AVPI1: variants seen among roughly 807,000 people sequenced by gnomAD.
AVPI1 encodes arginine vasopressin induced 1.
In AVPI1, 9 loss-of-function variants were observed where a neutral mutation model predicts 11.9. The ratio of observed to expected loss-of-function variants is 0.76; its 90% CI spans 0.46 to 1.32. The LOEUF is 1.32. Ranked by LOEUF, AVPI1 falls within the 40% of genes most tolerant of loss-of-function variation. The pLI is 0.00. For missense variants in AVPI1, 207 were observed against 195.8 expected, an observed-to-expected ratio of 1.06 and a Z score of -0.34; for synonymous variants, 68 against 78.1, an observed-to-expected ratio of 0.87 and a Z score of 0.68.
intron 1 of AVPI1, 38 bp from the exon 2 acceptor site, chr10:97,679,953 T>C (rs754078927): frequency 2.7e-6 from 4 of 1,488,666 alleles, no homozygotes; most frequent in South Asian, 2.6e-5. Flanking sequence ...TCAACTCAGC[T>C]GGTCCTTCCC....
At position 97,677,669 on chromosome 10, in the gene AVPI1, A is replaced by G. The variant is rs549327077; in HGVS notation, c.*200T>C. ...GCAGGAACAGTCACTGTCTCTCCTC[A>G]TTTTGGTGAGGAATGGGTCCCACAT... is the stretch of plus-strand genomic sequence containing the variant. On this transcript the variant is annotated 3_prime_UTR_variant, in exon 3 of 3. Transcript: ENST00000370626. 200 of 582,210 alleles carry G rather than the reference A, an allele frequency of 3.4e-4. No individual in the cohort carries two copies. Among genetic ancestry groups the G allele is most frequent in the Non-Finnish European group, 5.4e-5 (18 of 333,686 alleles). 36.1% of individuals were successfully genotyped at this position (582,210 alleles called of 1,614,324 possible).
rs374182097 is a variant in AVPI1, at chr10:97,684,926, G to A, written c.-11+1840C>T. Reference sequence around the variant, plus strand: ...GTTTTGGGAAAACCGATGAAATGTCGAATCAGAACACTTTTATTATCAAAG... The same window carrying A: ...GTTTTGGGAAAACCGATGAAATGTCAAATCAGAACACTTTTATTATCAAAG... On this transcript the variant is annotated intron_variant, in intron 1 of 2. Coordinates refer to ENST00000370626, the MANE Select transcript of AVPI1 (RefSeq NM_021732.3). Among the ~76,000 whole-genome samples the A allele has an allele frequency of 2.1e-4, 32 of 152,274 alleles. No homozygotes were observed. In the East Asian group the frequency reaches 4.4e-3, roughly 21 times the overall value.
intron 1 of AVPI1, among the ~76,000 whole-genome samples, chr10:97,686,213 C>G (rs929615175): frequency 6.6e-6 from 1 of 152,130 alleles, no homozygotes; most frequent in African/African-American, 2.4e-5. Context: ...CCTTCTAGTA[C>G]CTGGTATACC....
rs774060372 is a variant in AVPI1 at position 97,679,847 on chromosome 10, GC to G, written c.58del (p.Ala20ProfsTer149). 2 of 1,604,866 alleles carry G rather than the reference GC, an allele frequency of 1.2e-6. No individual in the cohort carries two copies. The highest frequency in any genetic ancestry group is 4.5e-5 in the East Asian group (2 of 44,578). Reference protein sequence around the residue: ...EPPPWQAPIEARGRKQASANI... With the variant: ...EPPPWQAPIEXRGRKQASANI... Reference sequence around the variant, plus strand: ...GGCCGAGGCCTGCTTGCGGCCCCGGGCCTCAATCGGGGCCTGCCAAGGGGGT... The same window carrying G: ...GGCCGAGGCCTGCTTGCGGCCCCGGGCTCAATCGGGGCCTGCCAAGGGGGT... On this transcript the variant is annotated frameshift_variant, in exon 2 of 3. Coordinates refer to ENST00000370626, the MANE Select transcript of AVPI1 (RefSeq NM_021732.3). LOFTEE classifies it high-confidence loss of function.
intron 2 of AVPI1, 46 bp downstream of exon 2, chr10:97,679,573 C>T (rs779156526): frequency 1.3e-6 from 2 of 1,546,772 alleles, no homozygotes; most frequent in East Asian, 4.6e-5. Context: ...AGTGGTGGAA[C>T]AGGCATTAGT....
intron 1 of AVPI1, among the ~76,000 whole-genome samples, chr10:97,683,673 C>T (rs888550810): frequency 1.3e-5 from 2 of 152,234 alleles, no homozygotes. Context: ...AGGGCTCTTT[C>T]CTGGGTGACA....
intron 1 of AVPI1, among the ~76,000 whole-genome samples, chr10:97,683,474 A>C (rs576472621): frequency 6.6e-6 from 1 of 152,148 alleles, no homozygotes; most frequent in Non-Finnish European, 1.5e-5. Context: ...ACGCTTTTAA[A>C]CCCCCGAGCT....
intron 2 of AVPI1, among the ~76,000 whole-genome samples, chr10:97,678,985 G>A (rs977369614): frequency 1.5e-5 from 2 of 132,820 alleles, no homozygotes; most frequent in Admixed American, 1.6e-4. Context: ...GTGTGTGTGT[G>A]TGTGTGTGTG....
Position 97,679,706 on chromosome 10 carries a change from A to C in AVPI1, c.200T>G (p.Val67Gly). The change falls in exon 2 of 3, where the codon GTG (valine) becomes GGG (glycine). Residue 67 changes from valine to glycine, a missense_variant. Transcript: ENST00000370626. ...GCGCAGCCTCTTGAGGGCCTCAGCCACACGGTGGTCCCCTGCACATTCCCA... is the reference window on the plus strand; with the variant it reads ...GCGCAGCCTCTTGAGGGCCTCAGCCCCACGGTGGTCCCCTGCACATTCCCA... ...IIWECAGDHR[V>G]AEALKRLRRK... The C allele has an allele frequency of 6.2e-7, 1 of 1,614,174 alleles. No individual in the cohort carries two copies. Among genetic ancestry groups the C allele is most frequent in the East Asian group, 2.2e-5 (1 of 44,888 alleles).
intron 2 of AVPI1, 133 bp downstream of exon 2, chr10:97,679,486 A>G (rs2041691104): frequency 8.8e-7 from 1 of 1,135,232 alleles, no homozygotes; most frequent in Non-Finnish European, 1.2e-6. Flanking sequence ...CACTGTGTAG[A>G]CCTTATAACC....
intron 2 of AVPI1, among the ~76,000 whole-genome samples, chr10:97,679,042 CTGAGAATAACGGCAGAATGAGG>C (rs1438914764): frequency 7.2e-6 from 1 of 139,622 alleles, no homozygotes; most frequent in Non-Finnish European, 1.6e-5. Flanking sequence ...GGCTGGTAAG[CTGAGAATAACGGCAGAATGAGG>C]TGATGCTACT....
intron 1 of AVPI1, among the ~76,000 whole-genome samples, chr10:97,684,169 G>C (rs1306368298): frequency 6.6e-5 from 10 of 152,204 alleles, no homozygotes; most frequent in Admixed American, 1.3e-4. Context: ...AGTGACCTCA[G>C]CTGGCAATGA....
At chr10:97,685,583 GA>G (rs1238055378) in intron 1 of AVPI1, among the ~76,000 whole-genome samples, 10 of 152,178 alleles carry the variant, frequency 6.6e-5, no homozygotes, top group African/African-American at 2.4e-4. Flanking sequence ...GGGGCTCTTA[GA>G]AAAATTACTG....
rs752176784 is a variant in AVPI1 at position 97,679,733 on chromosome 10, A to T, written c.173T>A (p.Ile58Asn). The T allele has an allele frequency of 4.3e-5, 70 of 1,613,992 alleles. No homozygotes were observed. The highest frequency in any genetic ancestry group is 5.8e-5 in the Non-Finnish European group (69 of 1,180,024). ...DQLAEERAQI[I>N]WECAGDHRVA... is the part of the protein sequence containing the mutation. ...ACGGTGGTCCCCTGCACATTCCCAG[A>T]TGATCTGTGCCCGTTCCTCGGCCAG... The change falls in exon 2 of 3, where the codon ATC becomes AAC. Residue 58 changes from isoleucine to asparagine, a missense_variant. Ile to Asn is a moderately radical substitution (Grantham distance 149). Coordinates refer to ENST00000370626, the MANE Select transcript of AVPI1 (RefSeq NM_021732.3).
At position 97,678,951 on chromosome 10, in the gene AVPI1, G is replaced by T. The variant is rs1564779905; in HGVS notation, c.287+668C>A. Among the ~76,000 whole-genome samples, 133 of 40,102 alleles carry T rather than the reference G, an allele frequency of 3.3e-3. 13 individuals carry two copies. Among genetic ancestry groups the T allele is most frequent in the South Asian group, 0.011 (9 of 850 alleles). 26.3% of individuals were successfully genotyped at this position (40,102 alleles called of 152,430 possible). On this transcript the variant is annotated intron_variant, in intron 2 of 2. Coordinates refer to ENST00000370626, the MANE Select transcript of AVPI1 (RefSeq NM_021732.3). ...TGTGTGTGTGTGTGTGTGTGTGTGT[G>T]TGTGTGTGTGTGTGTGTGTGTGTGT...
In AVPI1 at chr10:97,677,972, G is replaced by A. The variant is rs2041675192; in HGVS notation, c.341C>T (p.Ala114Val). 1 of 1,614,068 alleles carries A rather than the reference G, an allele frequency of 6.2e-7. No individual in the cohort carries two copies. Among genetic ancestry groups the A allele is most frequent in the Admixed American group, 1.7e-5 (1 of 60,012 alleles). Residue 114 changes from alanine (A) to valine (V), a missense_variant, in exon 3 of 3, where the codon GCC becomes GTC. Transcript: ENST00000370626. ...AGAGTGCAGATACTGCTCACTGGAGGCTGTCTCTGTGGCACTCTGTGGGTT... is the reference window on the plus strand; with the variant it reads ...AGAGTGCAGATACTGCTCACTGGAGACTGTCTCTGTGGCACTCTGTGGGTT... The part of the protein sequence containing the change: ...LANPQSATET[A>V]SSEQYLHSRK...
In AVPI1 at chr10:97,677,922, G is replaced by T. The variant is rs537218547; in HGVS notation, c.391C>A (p.Arg131=). 6.2e-7 allele frequency: 1 copy of T among 1,614,014 alleles called. No homozygotes were observed. Among genetic ancestry groups the T allele is most frequent in the Non-Finnish European group, 8.5e-7 (1 of 1,180,030 alleles). ...HSRKKSARIR[R]NWRKSGPTSY... ...GTGGGGCCTGACTTCCTCCAGTTCC[G>T]GCGGATCCTGGCACTTTTCTTCCTA... Residue 131 remains arginine (R), a synonymous_variant, in exon 3 of 3, where the codon CGG becomes AGG. Transcript: ENST00000370626.
intron 2 of AVPI1, among the ~76,000 whole-genome samples, 164 bp downstream of exon 2, chr10:97,679,455 T>C (rs1160722880): frequency 4.6e-5 from 7 of 152,302 alleles, no homozygotes; most frequent in Non-Finnish European, 7.4e-5. Context: ...AGCAATCTCT[T>C]AAGTGCCAAC....
At chr10:97,678,142 G>T in intron 2 of AVPI1, 117 bp from the exon 3 acceptor site, 1 of 1,137,132 alleles carries the variant, frequency 8.8e-7, no homozygotes, top group Non-Finnish European at 1.2e-6. Context: ...ATGAGAGCGG[G>T]GCTCTGCTCT....
Sources: gnomAD v4.1 joint callset for allele counts (sites outside exome capture counted in the v4.1 genomes callset) on GRCh38, gnomAD v4.1.1 for gene constraint, MANE v1.5 for transcripts, NCBI Gene and HGNC (gene_info 2026-07-23, HGNC 2026-07-21) for gene names.